The following MAN1C1 variants were observed in gnomAD, a reference collection of about 807,000 sequenced individuals.
MAN1C1 encodes the protein mannosidase alpha class 1C member 1.
MAN1C1 carries 49 observed loss-of-function variants against 71.5 expected under a neutral mutation model. That is an observed-to-expected ratio of 0.69 (90% CI 0.54 to 0.87). The LOEUF (loss-of-function observed/expected upper bound fraction) is 0.87, where lower values mean the gene tolerates loss of function less well. Ranked by LOEUF, MAN1C1 falls within the 40% of genes least tolerant of loss-of-function variation. The pLI, the probability that MAN1C1 is intolerant of heterozygous loss-of-function variation, is 0.00. For missense variants in MAN1C1, 743 were observed against 835.0 expected (o/e 0.89, Z 1.36); for synonymous variants, 352 against 343.7 (o/e 1.02, Z -0.27).
chr1:25,757,218 C>A (rs907470095), intron 5 of MAN1C1, among the ~76,000 whole-genome samples: 4 of 152,230 alleles, frequency 2.6e-5, no homozygotes, highest in African/African-American at 9.6e-5. Context: ...CCACGCCTGC[C>A]TTCCTAAGTC....
At chr1:25,671,206 G>C (rs1487880584) in intron 1 of MAN1C1, among the ~76,000 whole-genome samples, 1 of 152,088 alleles carries the variant, frequency 6.6e-6, no homozygotes, top group Non-Finnish European at 1.5e-5. Flanking sequence ...CATGTCCTTG[G>C]GCAAGTTATT....
In MAN1C1 at chr1:25,740,306, C is replaced by T. The variant is rs2047043100; in HGVS notation, c.638-6362C>T. Among the ~76,000 whole-genome samples, 3 of 152,186 alleles carry T rather than the reference C, an allele frequency of 2.0e-5. No homozygotes were observed. The South Asian group carries it at 6.2e-4, about 32-fold the overall frequency. On this transcript the variant is annotated intron_variant, in intron 2 of 11. Transcript: ENST00000374332. The stretch of plus-strand genomic sequence containing the variant: ...TGGAGGAGGAGAGGCAGTGAGGGAA[C>T]CAGGACAGATCACAGGGCCCCAGGG...
In MAN1C1 at chr1:25,683,221, C is replaced by CA. The variant is rs371737755; in HGVS notation, c.541-3219_541-3218insA. Among the ~76,000 whole-genome samples, 461 of 152,230 alleles carry CA rather than the reference C, an allele frequency of 3.0e-3. 2 individuals are homozygous for CA. Among genetic ancestry groups the CA allele is most frequent in the Non-Finnish European group, 5.0e-3 (340 of 68,008 alleles). ...CTGTAGGTCACCCTTTCTTGTGCCC[C>CA]TCATAGTCCTACCTGTCCATCAGAA... On this transcript the variant is annotated intron_variant, in intron 1 of 11. Coordinates refer to ENST00000374332, the MANE Select transcript of MAN1C1 (RefSeq NM_020379.4).
At chr1:25,655,692 G>A (rs971898800) in intron 1 of MAN1C1, among the ~76,000 whole-genome samples, 18 of 152,060 alleles carry the variant, frequency 1.2e-4, no homozygotes, top group African/African-American at 3.6e-4. Flanking sequence ...CTAATTAGGG[G>A]TACTGACTTG....
intron 1 of MAN1C1, among the ~76,000 whole-genome samples, chr1:25,640,854 C>T (rs1248437609): frequency 6.6e-6 from 1 of 152,076 alleles, no homozygotes; most frequent in Admixed American, 6.5e-5. Flanking sequence ...AAAAATGGTG[C>T]CAGAAAGGTA....
Position 25,783,892 on chromosome 1 carries a change from G to A in MAN1C1, c.*103G>A. 1 of 1,434,860 alleles carries A rather than the reference G, an allele frequency of 7.0e-7. No homozygotes were observed. The highest frequency in any genetic ancestry group is 9.4e-7 in the Non-Finnish European group (1 of 1,069,376). 88.9% of individuals were successfully genotyped at this position (1,434,860 alleles called of 1,614,324 possible). On this transcript the variant is annotated 3_prime_UTR_variant, in exon 12 of 12. Transcript: ENST00000374332. Reference sequence around the variant, plus strand: ...ATTGGGAACGAAGGCCCCATCTCGGGCAGACCCCCAGCAGATGTGTCGGAC... The same window carrying A: ...ATTGGGAACGAAGGCCCCATCTCGGACAGACCCCCAGCAGATGTGTCGGAC...
At position 25,746,815 on chromosome 1, in the gene MAN1C1, G is replaced by GC; in HGVS notation, c.753+33dup. Reference sequence around the variant, plus strand: ...CAGAGGCCCTCGGCGGGGGAGGGGGGCGGGGGCCAGAAGAGGCCCAACAGC... The same window carrying GC: ...CAGAGGCCCTCGGCGGGGGAGGGGGGCCGGGGGCCAGAAGAGGCCCAACAGC... On this transcript the variant is annotated intron_variant, in intron 3 of 11. Coordinates refer to ENST00000374332, the MANE Select transcript of MAN1C1 (RefSeq NM_020379.4). The surrounding 1 kb of genome is among the most constrained non-coding windows in gnomAD (Gnocchi z 4.0). 1 of 565,576 alleles carries GC rather than the reference G, an allele frequency of 1.8e-6. No homozygotes were observed. The highest frequency in any genetic ancestry group is 3.2e-6 in the Non-Finnish European group (1 of 310,650). The allele number at this position is 565,576 out of a possible 1,614,324, so 35.0% of individuals were successfully genotyped here.
chr1:25,652,794 G>A (rs2045712223), intron 1 of MAN1C1, among the ~76,000 whole-genome samples: 1 of 152,202 alleles, frequency 6.6e-6, no homozygotes, highest in Non-Finnish European at 1.5e-5. Context: ...CGTAGGAGGT[G>A]TTTAATCAAT....
intron 2 of MAN1C1, among the ~76,000 whole-genome samples, chr1:25,692,840 C>T (rs1283771782): frequency 6.6e-6 from 1 of 152,182 alleles, no homozygotes; most frequent in Non-Finnish European, 1.5e-5. Context: ...AGCCTCCCAT[C>T]TCTAGGCATC....
At chr1:25,691,376 A>G (rs972081593) in intron 2 of MAN1C1, among the ~76,000 whole-genome samples, 5 of 152,216 alleles carry the variant, frequency 3.3e-5, no homozygotes, top group Non-Finnish European at 1.5e-5. Context: ...TTGCATGTGC[A>G]TGCTGCTTTG....
intron 7 of MAN1C1, among the ~76,000 whole-genome samples, chr1:25,771,099 G>C (rs569378197): frequency 2.6e-5 from 4 of 152,126 alleles, no homozygotes; most frequent in African/African-American, 9.7e-5. Flanking sequence ...GGGCAGAGAG[G>C]GGGTGTTCCA....
At chr1:25,624,207 C>A (rs540595036) in intron 1 of MAN1C1, among the ~76,000 whole-genome samples, 1 of 152,200 alleles carries the variant, frequency 6.6e-6, no homozygotes, top group Admixed American at 6.5e-5. Context: ...TAGGCCCCTC[C>A]GTCTTCCTCC....
At chr1:25,677,873 T>TTA (rs1557761221) in intron 1 of MAN1C1, among the ~76,000 whole-genome samples, 1 of 140,182 alleles carries the variant, frequency 7.1e-6, no homozygotes, top group Non-Finnish European at 1.5e-5. Context: ...TTTTTTTTTT[T>TTA]AATCAAAACC....
At chr1:25,621,086 G>T (rs2045200345) in intron 1 of MAN1C1, among the ~76,000 whole-genome samples, 1 of 152,220 alleles carries the variant, frequency 6.6e-6, no homozygotes, top group African/African-American at 2.4e-5. Context: ...GTAAAATGGG[G>T]TGAGGGAGAG....
chr1:25,776,485 G>A lies in MAN1C1; in HGVS notation c.1258-1620G>A, dbSNP rs1209157795. ...CGAGAATGGTTTAAACTTGGGAGGCGGAGGTTGCAGTGAGCCAAGATCATG... is the reference window on the plus strand; with the variant it reads ...CGAGAATGGTTTAAACTTGGGAGGCAGAGGTTGCAGTGAGCCAAGATCATG... On this transcript the variant is annotated intron_variant, in intron 8 of 11. Transcript: ENST00000374332. The surrounding 1 kb of genome is among the most constrained non-coding windows in gnomAD (Gnocchi z 4.3). Among the ~76,000 whole-genome samples the A allele has an allele frequency of 2.0e-5, 3 of 152,144 alleles. No individual in the cohort carries two copies. Among genetic ancestry groups the A allele is most frequent in the Non-Finnish European group, 4.4e-5 (3 of 68,040 alleles).
intron 1 of MAN1C1, among the ~76,000 whole-genome samples, chr1:25,621,698 A>G (rs1390428947): frequency 2.0e-5 from 3 of 151,728 alleles, no homozygotes; most frequent in East Asian, 3.9e-4. Context: ...GTCTTGGCTC[A>G]CTGCAGCCTC....
chr1:25,696,236 AC>A (rs1370478177), intron 2 of MAN1C1, among the ~76,000 whole-genome samples: 1 of 152,064 alleles, frequency 6.6e-6, no homozygotes, highest in Non-Finnish European at 1.5e-5. Context: ...TTCCCAGCAA[AC>A]CCTGTGACAA....
At chr1:25,713,902 G>T (rs1051799934) in intron 2 of MAN1C1, among the ~76,000 whole-genome samples, 1 of 152,316 alleles carries the variant, frequency 6.6e-6, no homozygotes, top group East Asian at 1.9e-4. Context: ...AGTGACTGGA[G>T]CTTCCGAGGG....
chr1:25,652,085 G>A (rs1039382202), intron 1 of MAN1C1, among the ~76,000 whole-genome samples: 4 of 152,220 alleles, frequency 2.6e-5, no homozygotes, highest in African/African-American at 9.6e-5. Context: ...CCTCTTCATA[G>A]CAGCTCTTGA....
Sources: allele counts gnomAD v4.1 joint callset (sites outside exome capture counted in the v4.1 genomes callset), GRCh38; gene constraint gnomAD v4.1.1; non-coding constraint Gnocchi (gnomAD v3.1); transcripts MANE v1.5; gene names NCBI Gene and HGNC (gene_info 2026-07-23, HGNC 2026-07-21).